CTSB: variants seen among roughly 807,000 people sequenced by gnomAD.
The protein encoded by CTSB is cathepsin B.
Under a neutral mutation model 44.3 loss-of-function variants are expected in CTSB, and 57 were observed. The ratio of observed to expected loss-of-function variants is 1.29; its 90% CI spans 1.04 to 1.60. The LOEUF is 1.60. Among genes scored for constraint, CTSB ranks in the 40% most tolerant of loss-of-function variants. The pLI, the probability that CTSB is intolerant of heterozygous loss-of-function variation, is 0.00. For missense variants in CTSB, 768 were observed against 443.0 expected, an observed-to-expected ratio of 1.73 and a Z score of -6.59; for synonymous variants, 320 against 168.0, an observed-to-expected ratio of 1.91 and a Z score of -7.00.
chr8:11,849,271 ATC>A (rs1368404211), intron 4 of CTSB, 107 bp from the exon 5 acceptor site: 3 of 753,092 alleles, frequency 4.0e-6, no homozygotes, highest in East Asian at 5.2e-5. Flanking sequence ...TAGGCAACTG[ATC>A]TCTCAACACC....
rs1335578730 is a variant in CTSB, at chr8:11,842,826, G to C, written c.*2299C>G. 1 of 150,870 alleles carries C rather than the reference G, an allele frequency of 6.6e-6. No individual in the cohort carries two copies. The highest frequency in any genetic ancestry group is 1.5e-5 in the Non-Finnish European group (1 of 67,852). 9.3% of individuals were successfully genotyped at this position (150,870 alleles called of 1,614,324 possible). Reference sequence around the variant, plus strand: ...TAATTTTGTATTTTTAGTAGAGATGGGGTTTCACCGTGTTGCCAAGGCTGA... The same window carrying C: ...TAATTTTGTATTTTTAGTAGAGATGCGGTTTCACCGTGTTGCCAAGGCTGA... On this transcript the variant is annotated 3_prime_UTR_variant, in exon 10 of 10. Coordinates refer to ENST00000353047, the MANE Select transcript of CTSB (RefSeq NM_001908.5).
At chr8:11,855,855 T>C (rs1404415249) in intron 1 of CTSB, among the ~76,000 whole-genome samples, 4 of 151,876 alleles carry the variant, frequency 2.6e-5, no homozygotes, top group Non-Finnish European at 5.9e-5. Flanking sequence ...CCGTCTCCAC[T>C]AAAAATACAA....
At chr8:11,854,609 T>G (rs920450945) in intron 1 of CTSB, 2 of 126,162 alleles carry the variant, frequency 1.6e-5, no homozygotes, top group African/African-American at 6.0e-5. Flanking sequence ...GCCTCCCAAG[T>G]AGCTGGGATT....
chr8:11,865,238 G>A (rs1302418933), intron 1 of CTSB, among the ~76,000 whole-genome samples: 1 of 152,050 alleles, frequency 6.6e-6, no homozygotes, highest in East Asian at 1.9e-4. Flanking sequence ...ATTTCCTTAG[G>A]CCAGACCATT....
In CTSB at chr8:11,848,710, C is replaced by T. The variant is rs1438696580; in HGVS notation, c.446+336G>A. On this transcript the variant is annotated intron_variant, in intron 5 of 9. Coordinates refer to ENST00000353047, the MANE Select transcript of CTSB (RefSeq NM_001908.5). ...GGTGGAGCCATCCCCGCTAACTACA[C>T]ATAAGGAAATGCCCCAAACTGGTTC... The T allele has an allele frequency of 3.9e-5, 12 of 311,480 alleles. No homozygotes were observed. In the East Asian group the frequency reaches 9.1e-4, roughly 24 times the overall value. The allele number at this position is 311,480 out of a possible 1,614,324, so 19.3% of individuals were successfully genotyped here. A position where few individuals can be genotyped will look rare whatever the true frequency, so the allele number is the denominator to read the frequency against.
chr8:11,847,563 C>T (rs1813634674), intron 7 of CTSB, 116 bp downstream of exon 7: 3 of 1,184,148 alleles, frequency 2.5e-6, no homozygotes, highest in East Asian at 2.5e-5. Context: ...CTCCTCTATC[C>T]TAGAGTTCCG....
intron 1 of CTSB, among the ~76,000 whole-genome samples, chr8:11,856,865 AAAGTG>A (rs1815604106): frequency 6.6e-6 from 1 of 152,170 alleles, no homozygotes; most frequent in African/African-American, 2.4e-5. Flanking sequence ...GAAAAAAAAA[AAAGTG>A]AGTATGTTCC....
At chr8:11,866,016 C>CAA (rs796618698) in intron 1 of CTSB, among the ~76,000 whole-genome samples, 13 of 81,406 alleles carry the variant, frequency 1.6e-4, no homozygotes, top group South Asian at 4.5e-4. Context: ...GAGTGTGTCT[C>CAA]AAAAAAAAAA....
intron 1 of CTSB, among the ~76,000 whole-genome samples, chr8:11,856,592 A>C (rs998329733): frequency 5.9e-5 from 9 of 152,190 alleles, no homozygotes; most frequent in Non-Finnish European, 1.2e-4. Context: ...TCATCTAAAA[A>C]TAATAATAAT....
At position 11,847,658 on chromosome 8, in the gene CTSB, GCCAGGCC is replaced by G. The variant is rs138997275; in HGVS notation, c.676+14_676+20del. On this transcript the variant is annotated intron_variant, in intron 7 of 9. Transcript: ENST00000353047. ...CTCCCCAGCCTCCACGTGCGCCGTG[GCCAGGCC>G]CCAGGCCCCTTACCGTAGTGCTTGT... 11,984 of 1,514,018 alleles carry G rather than the reference GCCAGGCC, an allele frequency of 7.9e-3. 708 individuals are homozygous for G. In the African/African-American group the frequency reaches 0.14, roughly 18 times the overall value. The allele number at this position is 1,514,018 out of a possible 1,614,324, so 93.8% of individuals were successfully genotyped here.
chr8:11,855,046 G>A (rs117700846), intron 1 of CTSB: 16,827 of 152,254 alleles, frequency 0.11, 1,043 homozygotes, highest in Non-Finnish European at 0.15. Context: ...TTTTTGAGAC[G>A]GAGTCTTACT....
intron 1 of CTSB, among the ~76,000 whole-genome samples, chr8:11,854,156 T>C (rs1044838739): frequency 2.6e-5 from 4 of 152,222 alleles, no homozygotes; most frequent in Non-Finnish European, 5.9e-5. Flanking sequence ...GCTTGAACTC[T>C]GAGTCACCCT....
intron 2 of CTSB, 119 bp from the exon 3 acceptor site, chr8:11,852,814 A>C (rs1393113147): frequency 1.7e-5 from 15 of 878,756 alleles, no homozygotes; most frequent in African/African-American, 3.3e-5. Flanking sequence ...TCAAGGGCCC[A>C]AGGGTTGGGG....
chr8:11,858,870 T>C (rs1194428906), intron 1 of CTSB, among the ~76,000 whole-genome samples: 3 of 152,220 alleles, frequency 2.0e-5, no homozygotes, highest in Admixed American at 6.5e-5. Flanking sequence ...TTCACTTCCC[T>C]TTATATAGGC....
At chr8:11,857,202 T>C (rs560504063) in intron 1 of CTSB, among the ~76,000 whole-genome samples, 5 of 152,310 alleles carry the variant, frequency 3.3e-5, no homozygotes, top group South Asian at 4.1e-4. Flanking sequence ...TTTTGTAGTA[T>C]AGTCCGTGTT....
At chr8:11,867,627 G>A (rs1285497485) in intron 1 of CTSB, 1 of 152,230 alleles carries the variant, frequency 6.6e-6, no homozygotes, top group African/African-American at 2.4e-5. Context: ...CTGGGAGCGC[G>A]GTCCCAGGCA....
At chr8:11,848,478 C>T in intron 5 of CTSB, 1 of 430,536 alleles carries the variant, frequency 2.3e-6, no homozygotes, top group Non-Finnish European at 4.4e-6. Context: ...GCTAAACTTC[C>T]CTAAGGTACT....
chr8:11,857,885 C>G (rs1205612516), intron 1 of CTSB: 1 of 151,602 alleles, frequency 6.6e-6, no homozygotes, highest in Non-Finnish European at 1.5e-5. Flanking sequence ...GTGTTCCTGG[C>G]TTCTCTGCTC....
At chr8:11,847,276 T>TC in intron 7 of CTSB, 108 bp from the exon 8 acceptor site, 1 of 745,062 alleles carries the variant, frequency 1.3e-6, no homozygotes, top group Middle Eastern at 2.9e-4. Flanking sequence ...GAAGACTGCA[T>TC]CTAAGGGGAC....
Sources: allele counts gnomAD v4.1 joint callset (sites outside exome capture counted in the v4.1 genomes callset), GRCh38; gene constraint gnomAD v4.1.1; transcripts MANE v1.5; gene names NCBI Gene and HGNC (gene_info 2026-07-23, HGNC 2026-07-21).